Variants in CCSER1 observed in about 807,000 individuals in gnomAD.
CCSER1 encodes the protein serine-rich coiled-coil domain-containing protein 1.
A neutral mutation model predicts 82.0 loss-of-function variants in CCSER1; 41 were observed. The ratio of observed to expected loss-of-function variants is 0.50; its 90% CI spans 0.39 to 0.65. The LOEUF is 0.65. Ranked by LOEUF, CCSER1 falls within the 30% of genes least tolerant of loss-of-function variation. CCSER1 has a pLI of 0.00. For synonymous variants in CCSER1, 414 were observed against 383.9 expected, an observed-to-expected ratio of 1.08 and a Z score of -0.92; for missense variants, 1,119 against 1,064.2, an observed-to-expected ratio of 1.05 and a Z score of -0.72.
intron 2 of CCSER1, among the ~76,000 whole-genome samples, chr4:90,312,479 G>C (rs868467042): frequency 6.6e-6 from 1 of 152,128 alleles, no homozygotes; most frequent in African/African-American, 2.4e-5. Flanking sequence ...TTGTGTTGCG[G>C]GTGGAGAGGC....
At chr4:90,481,546 C>T (rs919152983) in intron 5 of CCSER1, among the ~76,000 whole-genome samples, 1 of 152,184 alleles carries the variant, frequency 6.6e-6, no homozygotes, top group Non-Finnish European at 1.5e-5. Flanking sequence ...TATGTCCCAT[C>T]AATACTTAAT....
chr4:90,426,859 A>C (rs1225665530), intron 4 of CCSER1, among the ~76,000 whole-genome samples: 1 of 152,098 alleles, frequency 6.6e-6, no homozygotes, highest in Non-Finnish European at 1.5e-5. Flanking sequence ...ATAATGCTCT[A>C]CTTTATTTCT....
chr4:90,197,675 G>C (rs1199798317), intron 1 of CCSER1, among the ~76,000 whole-genome samples: 1 of 152,084 alleles, frequency 6.6e-6, no homozygotes, highest in African/African-American at 2.4e-5. Context: ...AAATAAGCCA[G>C]ACACAGAAAG....
intron 8 of CCSER1, among the ~76,000 whole-genome samples, chr4:90,899,815 A>G (rs1724326876): frequency 1.3e-5 from 2 of 151,904 alleles, no homozygotes; most frequent in African/African-American, 4.8e-5. Context: ...ATTGTTATGG[A>G]TTATCTTTTG....
intron 1 of CCSER1, among the ~76,000 whole-genome samples, chr4:90,175,539 C>T (rs1282846888): frequency 6.6e-6 from 1 of 151,852 alleles, no homozygotes; most frequent in African/African-American, 2.4e-5. Context: ...TTTTTGAGCG[C>T]CGATCTGACA....
At chr4:90,489,844 C>A (rs912248047) in intron 5 of CCSER1, among the ~76,000 whole-genome samples, 1 of 152,150 alleles carries the variant, frequency 6.6e-6, no homozygotes, top group Non-Finnish European at 1.5e-5. Flanking sequence ...CTACAAAGGA[C>A]ATGAACTCAT....
At chr4:91,031,121 C>T (rs892535857) in intron 9 of CCSER1, among the ~76,000 whole-genome samples, 3 of 152,108 alleles carry the variant, frequency 2.0e-5, no homozygotes, top group Admixed American at 6.6e-5. Context: ...CACTGTGGCT[C>T]ATTATATGAT....
chr4:91,541,207 C>T (rs1364528521), intron 10 of CCSER1, among the ~76,000 whole-genome samples: 5 of 152,086 alleles, frequency 3.3e-5, no homozygotes, highest in Admixed American at 1.3e-4. Flanking sequence ...TTTAGTTCTT[C>T]ATTGCTATCA....
chr4:90,757,382 G>A (rs1749704456), intron 7 of CCSER1, among the ~76,000 whole-genome samples: 1 of 152,150 alleles, frequency 6.6e-6, no homozygotes, highest in Non-Finnish European at 1.5e-5. Flanking sequence ...GTTAAAACTG[G>A]CTTGCTTGGG....
rs536187881 is a variant in CCSER1, at chr4:91,020,753, A to G, written c.2173-65197A>G. Among the ~76,000 whole-genome samples the G allele has an allele frequency of 2.0e-5, 3 of 152,328 alleles. No individual in the cohort carries two copies. The South Asian group carries it at 6.2e-4, about 32-fold the overall frequency. On this transcript the variant is annotated intron_variant, in intron 9 of 10. Coordinates refer to ENST00000509176, the MANE Select transcript of CCSER1 (RefSeq NM_001145065.2). ...AAATCTGTAATTTGTGTATATATAC[A>G]AAATATACTTCATCTTATGCTTATT...
At position 90,942,848 on chromosome 4, in the gene CCSER1, C is replaced by T. The variant is rs554608130; in HGVS notation, c.2172+19401C>T. The stretch of plus-strand genomic sequence containing the variant: ...ATATAGTTTAGATTTTTTAACTTAC[C>T]TAAAAAAATTATATATATTTAATTA... On this transcript the variant is annotated intron_variant, in intron 9 of 10. Transcript: ENST00000509176. Among the ~76,000 whole-genome samples the T allele has an allele frequency of 2.7e-5, 4 of 146,274 alleles. No individual in the cohort carries two copies. In the East Asian group the frequency reaches 7.9e-4, roughly 29 times the overall value.
At chr4:91,184,096 C>A (rs891646804) in intron 10 of CCSER1, among the ~76,000 whole-genome samples, 5 of 152,108 alleles carry the variant, frequency 3.3e-5, no homozygotes, top group Admixed American at 6.5e-5. Context: ...CACAAGAAAT[C>A]GAATTTTGCA....
chr4:91,167,663 A>G (rs962269908), intron 10 of CCSER1, among the ~76,000 whole-genome samples: 4 of 152,200 alleles, frequency 2.6e-5, no homozygotes, highest in Admixed American at 6.5e-5. Context: ...TAATGTTTAT[A>G]GGTAGAAGGG....
chr4:90,695,050 A>ATATT (rs1553987942), intron 6 of CCSER1, among the ~76,000 whole-genome samples: 2 of 147,878 alleles, frequency 1.4e-5, no homozygotes, highest in East Asian at 3.9e-4. Context: ...ATATGTATAT[A>ATATT]TATTTATTTA....
chr4:90,837,913 A>G (rs949430807), intron 8 of CCSER1, among the ~76,000 whole-genome samples: 2 of 152,166 alleles, frequency 1.3e-5, no homozygotes, highest in Admixed American at 1.3e-4. Flanking sequence ...AGATTTGAGG[A>G]TAAATCCCAG....
At chr4:90,497,583 A>G (rs1769226539) in intron 5 of CCSER1, among the ~76,000 whole-genome samples, 1 of 152,192 alleles carries the variant, frequency 6.6e-6, no homozygotes, top group African/African-American at 2.4e-5. Flanking sequence ...TAACCTTGCC[A>G]GATTCCACAA....
chr4:91,408,225 C>G (rs1752818577), intron 10 of CCSER1, among the ~76,000 whole-genome samples: 1 of 152,168 alleles, frequency 6.6e-6, no homozygotes, highest in African/African-American at 2.4e-5. Context: ...CTTCCTCATT[C>G]TTCTGACTTT....
chr4:91,464,866 A>T (rs532579290), intron 10 of CCSER1, among the ~76,000 whole-genome samples: 47 of 152,320 alleles, frequency 3.1e-4, no homozygotes, highest in Admixed American at 9.8e-4. Context: ...AAGTCGTTAG[A>T]GACCTACAAA....
At chr4:91,118,388 C>T (rs1348951983) in intron 10 of CCSER1, among the ~76,000 whole-genome samples, 5 of 150,628 alleles carry the variant, frequency 3.3e-5, no homozygotes, top group Admixed American at 6.7e-5. Flanking sequence ...AATCTTCACA[C>T]GTCAGCCTCC....
Sources: allele counts gnomAD v4.1 joint callset (sites outside exome capture counted in the v4.1 genomes callset), GRCh38; gene constraint gnomAD v4.1.1; transcripts MANE v1.5; gene names NCBI Gene and HGNC (gene_info 2026-07-23, HGNC 2026-07-21).